REDIC1: variants seen among roughly 807,000 people sequenced by gnomAD.
REDIC1 encodes the protein regulator of DNA class I crossover intermediates 1.
At chr12:39,694,041 G>C in the REDIC1 span, among the ~76,000 whole-genome samples, 5 of 152,204 alleles carry the variant, frequency 3.3e-5, no homozygotes, top group Admixed American at 6.5e-5. Flanking sequence ...TTCGCTCTGT[G>C]TGAAGTTGAG....
At chr12:39,898,502 TC>T in the REDIC1 span, among the ~76,000 whole-genome samples, 74,959 of 151,870 alleles carry the variant, frequency 0.49, 19,100 homozygotes, top group Middle Eastern at 0.57. Flanking sequence ...GCCACGCTTT[TC>T]CCCCCTCTAT....
chr12:39,644,936 T>G, the REDIC1 span, among the ~76,000 whole-genome samples: 1 of 151,996 alleles, frequency 6.6e-6, no homozygotes. Flanking sequence ...TGTGTATTTT[T>G]CTTGCCAGGT....
chr12:39,731,253 C>T, the REDIC1 span, among the ~76,000 whole-genome samples: 15 of 152,320 alleles, frequency 9.8e-5, no homozygotes, highest in East Asian at 2.9e-3. Flanking sequence ...TTGGAATTTT[C>T]AGCCTTTTTG....
chr12:39,825,081 A>C, the REDIC1 span, among the ~76,000 whole-genome samples: 1 of 152,186 alleles, frequency 6.6e-6, no homozygotes, highest in Non-Finnish European at 1.5e-5. Context: ...TACGGTAAAC[A>C]ATGAATTGCC....
At chr12:39,784,604 C>A in the REDIC1 span, among the ~76,000 whole-genome samples, 2 of 152,152 alleles carry the variant, frequency 1.3e-5, no homozygotes, top group Non-Finnish European at 2.9e-5. Flanking sequence ...AAATGTTAGA[C>A]CTAAAACCAT....
chr12:39,718,643 C>T, the REDIC1 span, among the ~76,000 whole-genome samples: 1 of 152,002 alleles, frequency 6.6e-6, no homozygotes, highest in East Asian at 1.9e-4. Context: ...GCTTGCTTCC[C>T]TTCCTAATAA....
chr12:39,894,334 G>C, the REDIC1 span, among the ~76,000 whole-genome samples: 1 of 152,108 alleles, frequency 6.6e-6, no homozygotes, highest in African/African-American at 2.4e-5. Flanking sequence ...CTGATTAGTA[G>C]AACATTTGTG....
chr12:39,721,117 G>C, the REDIC1 span: 1 of 1,613,748 alleles, frequency 6.2e-7, no homozygotes, highest in Non-Finnish European at 8.5e-7. Context: ...GGAAAAATTA[G>C]ATGTTGCCAT....
the REDIC1 span, among the ~76,000 whole-genome samples, chr12:39,886,115 A>G: frequency 6.6e-6 from 1 of 152,244 alleles, no homozygotes; most frequent in Non-Finnish European, 1.5e-5. Context: ...TTCAATTGAC[A>G]GAGATAAATT....
chr12:39,628,963 A>C, the REDIC1 span, among the ~76,000 whole-genome samples: 1 of 152,172 alleles, frequency 6.6e-6, no homozygotes, highest in East Asian at 1.9e-4. Context: ...ATTTGAGTTG[A>C]GTGTGCTTGC....
the REDIC1 span, among the ~76,000 whole-genome samples, chr12:39,648,577 C>T: frequency 6.6e-6 from 1 of 151,008 alleles, no homozygotes; most frequent in African/African-American, 2.4e-5. Flanking sequence ...ATAGAGCATA[C>T]CAGGAAATCT....
chr12:39,709,025 T>A, the REDIC1 span, among the ~76,000 whole-genome samples: 1 of 151,834 alleles, frequency 6.6e-6, no homozygotes, highest in African/African-American at 2.4e-5. Context: ...TTCAGTCTAG[T>A]TTTTTACATT....
At chr12:39,796,954 G>T in the REDIC1 span, among the ~76,000 whole-genome samples, 1 of 152,070 alleles carries the variant, frequency 6.6e-6, no homozygotes, top group African/African-American at 2.4e-5. Context: ...AAAACATATT[G>T]CCAAATATCC....
the REDIC1 span, among the ~76,000 whole-genome samples, chr12:39,747,684 T>C: frequency 2.0e-5 from 3 of 152,132 alleles, no homozygotes; most frequent in Non-Finnish European, 2.9e-5. Flanking sequence ...AGAGAAAGGT[T>C]GGGTTACCCA....
chr12:39,792,441 A>G, the REDIC1 span, among the ~76,000 whole-genome samples: 1 of 152,166 alleles, frequency 6.6e-6, no homozygotes, highest in African/African-American at 2.4e-5. Flanking sequence ...AACAGGCAAC[A>G]TTCTTTTGTT....
the REDIC1 span, among the ~76,000 whole-genome samples, chr12:39,823,294 C>A: frequency 6.6e-6 from 1 of 152,144 alleles, no homozygotes; most frequent in Non-Finnish European, 1.5e-5. Flanking sequence ...AATTTAGGAA[C>A]ACAGCTGGAG....
chr12:39,811,100 G>A, the REDIC1 span, among the ~76,000 whole-genome samples: 1 of 152,024 alleles, frequency 6.6e-6, no homozygotes, highest in African/African-American at 2.4e-5. Context: ...AGATGATTTA[G>A]TTTTCCTATT....
chr12:39,659,790 A>C, the REDIC1 span, among the ~76,000 whole-genome samples: 1 of 151,694 alleles, frequency 6.6e-6, no homozygotes, highest in African/African-American at 2.4e-5. Context: ...TCTTTTTTGC[A>C]TTCCTGGTAA....
chr12:39,848,419 A>G, the REDIC1 span, among the ~76,000 whole-genome samples: 1 of 152,226 alleles, frequency 6.6e-6, no homozygotes, highest in Admixed American at 6.5e-5. Flanking sequence ...GAGCATATGA[A>G]AAAAATTCCA....
Sources: gnomAD v4.1 joint callset for allele counts (sites outside exome capture counted in the v4.1 genomes callset) on GRCh38, gnomAD v4.1.1 for gene constraint, MANE v1.5 for transcripts, NCBI Gene and HGNC (gene_info 2026-07-23, HGNC 2026-07-21) for gene names.